Variants in OTUB1 observed in about 807,000 individuals in gnomAD.
OTUB1 encodes ubiquitin thioesterase OTUB1.
In OTUB1, 10 loss-of-function variants were observed where a neutral mutation model predicts 35.8. The ratio of observed to expected loss-of-function variants is 0.28; its 90% CI spans 0.17 to 0.47. The LOEUF (loss-of-function observed/expected upper bound fraction) is 0.47, where lower values mean the gene tolerates loss of function less well. Among genes scored for constraint, OTUB1 ranks in the 20% least tolerant of loss-of-function variants. The probability of loss-of-function intolerance (pLI) is 0.99; values close to 1 mark genes in which losing one functional copy is unlikely to be tolerated. For missense variants in OTUB1, 264 were observed against 351.6 expected (o/e 0.75, Z 1.99); for synonymous variants, 158 against 143.8 (o/e 1.10, Z -0.71).
At chr11:63,995,082 T>C (rs773107655) in intron 3 of OTUB1, among the ~76,000 whole-genome samples, 1 of 152,044 alleles carries the variant, frequency 6.6e-6, no homozygotes, top group Non-Finnish European at 1.5e-5. Context: ...TCACCCACGC[T>C]AGAGTGTAGT....
intron 3 of OTUB1, chr11:63,990,594 A>T (rs559807755): frequency 1.4e-5 from 2 of 139,316 alleles, no homozygotes; most frequent in Admixed American, 1.4e-4. Flanking sequence ...TTAAAAAAAT[A>T]AAAAAATAAA....
intron 3 of OTUB1, chr11:63,990,606 A>AAAAAAAAT (rs1942664565): frequency 1.4e-5 from 2 of 147,346 alleles, no homozygotes; most frequent in Admixed American, 6.7e-5. Flanking sequence ...AAAAATAAAT[A>AAAAAAAAT]AATAAATAAA....
chr11:63,995,288 C>T (rs1942706629), intron 3 of OTUB1, among the ~76,000 whole-genome samples: 1 of 152,112 alleles, frequency 6.6e-6, no homozygotes, highest in Non-Finnish European at 1.5e-5. Context: ...CCTCTGCTTC[C>T]CGGGTTCAAG....
chr11:63,986,440 T>C lies in OTUB1; in HGVS notation c.-17T>C, dbSNP rs1373156240. Reference sequence around the variant, plus strand: ...TTGGCAACCCGGAAGCGGTCGGTAGTGCGGCGCTGTTTAAAGATGGCGGCG... The same window carrying C: ...TTGGCAACCCGGAAGCGGTCGGTAGCGCGGCGCTGTTTAAAGATGGCGGCG... On this transcript the variant is annotated 5_prime_UTR_variant, in exon 1 of 7. Transcript: ENST00000538426. The C allele has an allele frequency of 6.4e-7, 1 of 1,552,538 alleles. No homozygotes were observed. Among genetic ancestry groups the C allele is most frequent in the Admixed American group, 2.0e-5 (1 of 51,152 alleles).
At chr11:63,988,096 G>A (rs190062130) in intron 1 of OTUB1, among the ~76,000 whole-genome samples, 4 of 152,290 alleles carry the variant, frequency 2.6e-5, no homozygotes, top group African/African-American at 9.6e-5. Flanking sequence ...TCAACATGGC[G>A]AAACCCCATC....
At position 63,998,052 on chromosome 11, in the gene OTUB1, G is replaced by A. The variant is rs1342816723; in HGVS notation, c.*506G>A. ...CCTCCACCGGGAGTCTGCATGGTTG[G>A]GAGTCCTGGGTGGAGGGGCCTTTGT... On this transcript the variant is annotated 3_prime_UTR_variant, in exon 7 of 7. Transcript: ENST00000538426. 2.1e-6 allele frequency: 1 copy of A among 468,372 alleles called. No individual in the cohort carries two copies. Among genetic ancestry groups the A allele is most frequent in the African/African-American group, 2.0e-5 (1 of 50,758 alleles). The allele number at this position is 468,372 out of a possible 1,614,324, so 29.0% of individuals were successfully genotyped here.
chr11:63,988,287 T>G, intron 1 of OTUB1, 50 bp from the exon 2 acceptor site: 2 of 1,481,148 alleles, frequency 1.4e-6, no homozygotes, highest in Non-Finnish European at 1.8e-6. Flanking sequence ...CTGCCTGCAG[T>G]GGAGATGGCC....
intron 1 of OTUB1, among the ~76,000 whole-genome samples, chr11:63,987,647 C>G (rs572704055): frequency 6.6e-6 from 1 of 152,346 alleles, no homozygotes; most frequent in South Asian, 2.1e-4. Flanking sequence ...CTAGTTGTGA[C>G]CTTGAGCAGA....
chr11:63,996,724 G>C, intron 4 of OTUB1, 76 bp downstream of exon 4: 1 of 1,612,640 alleles, frequency 6.2e-7, no homozygotes, highest in African/African-American at 1.3e-5. Flanking sequence ...TGTGTCTCGA[G>C]TAGGGTGTCT....
Position 63,988,728 on chromosome 11 carries a change from C to T in OTUB1, c.195C>T (p.Asp65=). Residue 65 remains aspartate, a synonymous_variant, in exon 3 of 7, where the codon GAC becomes GAT. Coordinates refer to ENST00000538426, the MANE Select transcript of OTUB1 (RefSeq NM_017670.3). ...TATACAAGGAGTATGCTGAAGATGA[C>T]AACATCTATCAACAGAAGATCAAGG... ...SVLYKEYAED[D]NIYQQKIKDL... 1 of 1,611,766 alleles carries T rather than the reference C, an allele frequency of 6.2e-7. No homozygotes were observed. The highest frequency in any genetic ancestry group is 1.3e-5 in the African/African-American group (1 of 74,998).
At position 63,998,067 on chromosome 11, in the gene OTUB1, G is replaced by A; in HGVS notation, c.*521G>A. Reference sequence around the variant, plus strand: ...TGCATGGTTGGGAGTCCTGGGTGGAGGGGCCTTTGTGAGGCTGGACCCGGC... The same window carrying A: ...TGCATGGTTGGGAGTCCTGGGTGGAAGGGCCTTTGTGAGGCTGGACCCGGC... On this transcript the variant is annotated 3_prime_UTR_variant, in exon 7 of 7. Coordinates refer to ENST00000538426, the MANE Select transcript of OTUB1 (RefSeq NM_017670.3). 2.3e-6 allele frequency: 1 copy of A among 432,690 alleles called. No individual in the cohort carries two copies. The highest frequency in any genetic ancestry group is 4.2e-6 in the Non-Finnish European group (1 of 237,418). 26.8% of individuals were successfully genotyped at this position (432,690 alleles called of 1,614,324 possible). A position where few individuals can be genotyped will look rare whatever the true frequency, so the allele number is the denominator to read the frequency against.
rs76249827 is a variant in OTUB1, at chr11:63,995,017, G to A, written c.220-1513G>A. ...GTAGGGTGGGAAAAATTGATGATGGGGGTACTTCCTAGGATGATGTCTTTT... is the reference window on the plus strand; with the variant it reads ...GTAGGGTGGGAAAAATTGATGATGGAGGTACTTCCTAGGATGATGTCTTTT... On this transcript the variant is annotated intron_variant, in intron 3 of 6. Transcript: ENST00000538426. 2.0e-3 allele frequency among the ~76,000 whole-genome samples: 306 copies of A among 152,068 alleles called. 9 individuals are homozygous for A. In the East Asian group the frequency reaches 0.045, roughly 22 times the overall value.
Position 63,997,979 on chromosome 11 carries a change from A to G in OTUB1, c.*433A>G. 1 of 568,898 alleles carries G rather than the reference A, an allele frequency of 1.8e-6. No homozygotes were observed. Among genetic ancestry groups the G allele is most frequent in the Non-Finnish European group, 3.1e-6 (1 of 319,216 alleles). 35.2% of individuals were successfully genotyped at this position (568,898 alleles called of 1,614,324 possible). On this transcript the variant is annotated 3_prime_UTR_variant, in exon 7 of 7. Coordinates refer to ENST00000538426, the MANE Select transcript of OTUB1 (RefSeq NM_017670.3). ...ACCCACACTTCATCTGCTCCCTCATAGGCCCCACCTCCACGTCCCGGCTGG... is the reference window on the plus strand; with the variant it reads ...ACCCACACTTCATCTGCTCCCTCATGGGCCCCACCTCCACGTCCCGGCTGG...
At position 63,994,341 on chromosome 11, in the gene OTUB1, C is replaced by T. The variant is rs1942698659; in HGVS notation, c.220-2189C>T. Among the ~76,000 whole-genome samples the T allele has an allele frequency of 3.3e-5, 5 of 152,266 alleles. No homozygotes were observed. In the South Asian group the frequency reaches 1.0e-3, roughly 32 times the overall value. On this transcript the variant is annotated intron_variant, in intron 3 of 6. Transcript: ENST00000538426. ...GATCTCGGCTCACTGCAATCTCCAC[C>T]TCCTGGGTTCAAGTGATTCTCTTGC... is the stretch of plus-strand genomic sequence containing the variant.
chr11:63,988,804 G>A (rs1401863009), intron 3 of OTUB1, 52 bp downstream of exon 3: 2 of 1,200,422 alleles, frequency 1.7e-6, no homozygotes, highest in South Asian at 2.4e-5. Flanking sequence ...GGGGCAGGAG[G>A]GTGCCTGCTT....
intron 1 of OTUB1, 73 bp from the exon 2 acceptor site, chr11:63,988,264 G>T: frequency 1.6e-6 from 2 of 1,290,212 alleles, no homozygotes; most frequent in Non-Finnish European, 2.2e-6. Flanking sequence ...GGCTGCTCTT[G>T]TCCCTGGCCC....
intron 5 of OTUB1, 52 bp downstream of exon 5, chr11:63,996,993 G>T (rs1565186752): frequency 6.2e-7 from 1 of 1,612,782 alleles, no homozygotes; most frequent in South Asian, 1.1e-5. Flanking sequence ...GGTTCACCTG[G>T]TGAGGACCAC....
In OTUB1 at chr11:63,997,174, T is replaced by C; in HGVS notation, c.548T>C (p.Leu183Pro). The part of the protein sequence containing the change: ...VYLRLLTSGY[L>P]QRESKFFEHF... ...CTGCGGCTGCTCACCTCGGGCTACC[T>C]GCAGCGCGAGAGCAAGTTCTTCGAG... is the stretch of plus-strand genomic sequence containing the variant. The change falls in exon 6 of 7, where the codon CTG (leucine) becomes CCG (proline). Residue 183 changes from leucine (L) to proline (P), a missense_variant. By Grantham distance (98) the Leu-to-Pro change is moderately conservative (BLOSUM62 -3). Around this residue, in one of 2 missense-constraint regions of OTUB1, gnomAD observed 214 missense variants for 317.1 expected, o/e 0.67. Coordinates refer to ENST00000538426, the MANE Select transcript of OTUB1 (RefSeq NM_017670.3). The C allele has an allele frequency of 6.2e-7, 1 of 1,614,212 alleles. No individual in the cohort carries two copies. The highest frequency in any genetic ancestry group is 8.5e-7 in the Non-Finnish European group (1 of 1,180,020).
intron 1 of OTUB1, among the ~76,000 whole-genome samples, chr11:63,987,321 A>G (rs1345521569): frequency 1.3e-5 from 2 of 152,174 alleles, no homozygotes; most frequent in African/African-American, 4.8e-5. Context: ...CTCACCGAAC[A>G]CTTGAGGGAA....
Sources: allele counts gnomAD v4.1 joint callset (sites outside exome capture counted in the v4.1 genomes callset), GRCh38; gene constraint gnomAD v4.1.1; regional missense constraint gnomAD v4.1.1; transcripts MANE v1.5; gene names NCBI Gene and HGNC (gene_info 2026-07-23, HGNC 2026-07-21).